OAS2: variants seen among roughly 807,000 people sequenced by gnomAD.
OAS2 encodes 2'-5'-oligoadenylate synthetase 2.
Under a neutral mutation model 71.3 loss-of-function variants are expected in OAS2, and 67 were observed. The observed-to-expected ratio is 0.94, with a 90% confidence interval of 0.77 to 1.15. The LOEUF (loss-of-function observed/expected upper bound fraction) is 1.15. OAS2 is among the 50% of genes most tolerant of loss of function. The pLI is 0.00. For synonymous variants in OAS2, 327 were observed against 321.8 expected (o/e 1.02, Z -0.17); for missense variants, 789 against 822.5 (o/e 0.96, Z 0.50).
At position 112,978,650 on chromosome 12, in the gene OAS2, G is replaced by A. The variant is rs1301722159; in HGVS notation, c.42G>A (p.Gln14=). The part of the protein sequence containing the change: ...GESQLSSVPA[Q]KLGWFIQEYL... Reference sequence around the variant, plus strand: ...CCCAGCTGTCCTCGGTGCCTGCTCAGAAGCTGGGTTGGTTTATCCAGGAAT... The same window carrying A: ...CCCAGCTGTCCTCGGTGCCTGCTCAAAAGCTGGGTTGGTTTATCCAGGAAT... Residue 14 remains glutamine, a synonymous_variant, in exon 1 of 10, where the codon CAG becomes CAA. Transcript: ENST00000392583. The surrounding 1 kb of genome is among the most constrained non-coding windows in gnomAD (Gnocchi z 4.2). 6.2e-7 allele frequency: 1 copy of A among 1,614,180 alleles called. No individual in the cohort carries two copies.
At chr12:113,005,941 A>AAAAC (rs2044330879) in intron 7 of OAS2, among the ~76,000 whole-genome samples, 5 of 148,902 alleles carry the variant, frequency 3.4e-5, no homozygotes, top group African/African-American at 1.2e-4. Context: ...AAAAAAAAAA[A>AAAAC]AAAAAAAAAA....
Position 113,008,968 on chromosome 12 carries a change from G to T in OAS2, c.1896-119G>T. On this transcript the variant is annotated intron_variant, in intron 9 of 9. Coordinates refer to ENST00000392583, the MANE Select transcript of OAS2 (RefSeq NM_002535.3). ...TGAACCCTACTAGTAAATTTGAGTT[G>T]CTGACATCTAAGCTGTAAGAACACA... The T allele has an allele frequency of 2.0e-6, 3 of 1,482,562 alleles. No homozygotes were observed. The Admixed American group carries it at 7.0e-5, about 35-fold the overall frequency. The allele number at this position is 1,482,562 out of a possible 1,614,324, so 91.8% of individuals were successfully genotyped here.
intron 2 of OAS2, among the ~76,000 whole-genome samples, chr12:112,994,870 T>C (rs2044220957): frequency 6.6e-6 from 1 of 152,188 alleles, no homozygotes. Context: ...TGAAGTAAAA[T>C]ATTCACAGGA....
intron 1 of OAS2, among the ~76,000 whole-genome samples, chr12:112,980,474 A>G (rs61942234): frequency 1.8e-4 from 27 of 152,230 alleles, no homozygotes; most frequent in Non-Finnish European, 3.4e-4. Flanking sequence ...TTTAACTTCC[A>G]CATAAACACA....
chr12:112,992,891 C>T (rs2044203779), intron 2 of OAS2, among the ~76,000 whole-genome samples: 1 of 152,156 alleles, frequency 6.6e-6, no homozygotes, highest in Non-Finnish European at 1.5e-5. Flanking sequence ...AAAGTCCTCT[C>T]TTCCTGTTCC....
At chr12:112,996,245 T>A (rs1221521487) in intron 3 of OAS2, among the ~76,000 whole-genome samples, 1 of 152,232 alleles carries the variant, frequency 6.6e-6, no homozygotes, top group Non-Finnish European at 1.5e-5. Context: ...GGGGCAATTA[T>A]GAATTAGGTT....
At chr12:112,988,124 C>T in intron 2 of OAS2, 3 of 985,400 alleles carry the variant, frequency 3.0e-6, no homozygotes, top group Non-Finnish European at 3.6e-6. Context: ...AAACATCTCC[C>T]ACTAAGCCTA....
rs1005261600 is a variant in OAS2, at chr12:113,009,371, T to C, written c.*116T>C. The C allele has an allele frequency of 5.3e-5, 81 of 1,520,650 alleles. No homozygotes were observed. The highest frequency in any genetic ancestry group is 1.8e-4 in the Middle Eastern group (1 of 5,458). 94.2% of individuals were successfully genotyped at this position (1,520,650 alleles called of 1,614,324 possible). A position where few individuals can be genotyped will look rare whatever the true frequency, so the allele number is the denominator to read the frequency against. ...AAAGGAAACCCAGCTCACAGGAGCT[T>C]AAACAGCTGGTCAGCCCCCTAAGCC... On this transcript the variant is annotated 3_prime_UTR_variant, in exon 10 of 10. Coordinates refer to ENST00000392583, the MANE Select transcript of OAS2 (RefSeq NM_002535.3).
intron 2 of OAS2, among the ~76,000 whole-genome samples, chr12:112,991,328 C>T (rs1464969351): frequency 6.6e-6 from 1 of 152,204 alleles, no homozygotes. Flanking sequence ...ACTTTGCAAA[C>T]CCCAACTATC....
In OAS2 at chr12:113,011,124, T is replaced by C. The variant is rs1041998322; in HGVS notation, c.*1869T>C. 1.3e-5 allele frequency: 2 copies of C among 152,296 alleles called. No individual in the cohort carries two copies. Among genetic ancestry groups the C allele is most frequent in the Non-Finnish European group, 2.9e-5 (2 of 68,110 alleles). The allele number at this position is 152,296 out of a possible 1,614,324, so 9.4% of individuals were successfully genotyped here. ...CTTGGGCTTTAGCCTTAAAGATACT[T>C]GAAGGTCTAGGTGCTTTAACCTCAC... On this transcript the variant is annotated 3_prime_UTR_variant, in exon 10 of 10. Transcript: ENST00000392583.
Position 113,005,131 on chromosome 12 carries a change from G to A in OAS2, c.1377G>A (p.Trp459Ter). Residue 459 changes from tryptophan to a stop codon, truncating the protein, a stop_gained, in exon 7 of 10, where the codon TGG (tryptophan) becomes TGA (stop). Transcript: ENST00000392583. LOFTEE classifies it high-confidence loss of function. ...AAGTCAGCTTTGAGCCTCCCAAGTG[G>A]AAGGCTCCCAGGGTGCTGAGCTTCT... ...ELEVSFEPPK[W>*]KAPRVLSFSL... 1 of 1,614,156 alleles carries A rather than the reference G, an allele frequency of 6.2e-7. No individual in the cohort carries two copies. The highest frequency in any genetic ancestry group is 1.1e-5 in the South Asian group (1 of 91,076).
In OAS2 at chr12:112,995,348, G is replaced by C; in HGVS notation, c.501G>C (p.Leu167Phe). Residue 167 changes from leucine (L) to phenylalanine (F), a missense_variant, in exon 3 of 10, where the codon TTG becomes TTC. Physicochemically the swap from Leu to Phe is conservative, Grantham distance 22. Coordinates refer to ENST00000392583, the MANE Select transcript of OAS2 (RefSeq NM_002535.3). ...PWIYRELKRSLDKTNASPGEF... is the reference protein window; with the variant it reads ...PWIYRELKRSFDKTNASPGEF... ...TCTATCGAGAGCTCAAAAGATCCTT[G>C]GATAAGACAAATGCCAGTCCTGGTG... is the stretch of plus-strand genomic sequence containing the variant. The C allele has an allele frequency of 6.2e-7, 1 of 1,613,990 alleles. No individual in the cohort carries two copies. The highest frequency in any genetic ancestry group is 8.5e-7 in the Non-Finnish European group (1 of 1,179,982).
chr12:113,007,620 C>A, intron 8 of OAS2, 85 bp from the exon 9 acceptor site: 1 of 1,074,818 alleles, frequency 9.3e-7, no homozygotes, highest in Admixed American at 1.8e-5. Context: ...GACACTGTGA[C>A]TCAGTTGCCT....
chr12:113,001,327 A>G (rs1400017000), intron 5 of OAS2, among the ~76,000 whole-genome samples: 1 of 151,750 alleles, frequency 6.6e-6, no homozygotes. Context: ...CCCTGTCTCA[A>G]AATTACTTTT....
At chr12:112,988,724 T>A (rs924181011) in intron 2 of OAS2, 16 of 985,350 alleles carry the variant, frequency 1.6e-5, no homozygotes, top group Non-Finnish European at 1.9e-5. Context: ...TAACAAAGAA[T>A]GGCGCATTCC....
In OAS2 at chr12:113,005,121, C is replaced by T. The variant is rs1217883615; in HGVS notation, c.1367C>T (p.Pro456Leu). Residue 456 changes from proline (P) to leucine (L), a missense_variant, in exon 7 of 10, where the codon CCT becomes CTT. Pro to Leu is a moderately conservative substitution (Grantham distance 98). Transcript: ENST00000392583. ...GAGGAGCTTGAAGTCAGCTTTGAGC[C>T]TCCCAAGTGGAAGGCTCCCAGGGTG... ...KEEELEVSFE[P>L]PKWKAPRVLS... 1.9e-6 allele frequency: 3 copies of T among 1,614,154 alleles called. No individual in the cohort carries two copies. Among genetic ancestry groups the T allele is most frequent in the Admixed American group, 3.3e-5 (2 of 60,020 alleles).
chr12:112,994,961 A>G (rs981631763), intron 2 of OAS2, among the ~76,000 whole-genome samples: 1 of 152,222 alleles, frequency 6.6e-6, no homozygotes, highest in Non-Finnish European at 1.5e-5. Flanking sequence ...GCCAACACAA[A>G]CAATTTTTTA....
At chr12:113,000,683 CTCATGCACACACAT>C (rs1249140057) in intron 5 of OAS2, among the ~76,000 whole-genome samples, 1 of 145,758 alleles carries the variant, frequency 6.9e-6, no homozygotes, top group Non-Finnish European at 1.5e-5. Context: ...CACACATGCA[CTCATGCACACACAT>C]GCATGCACAC....
intron 2 of OAS2, chr12:112,987,740 A>T: frequency 9.9e-7 from 1 of 1,009,470 alleles, no homozygotes; most frequent in Non-Finnish European, 1.2e-6. Flanking sequence ...AGGATGAGGC[A>T]GACATCTGGG....
Sources: allele counts gnomAD v4.1 joint callset (sites outside exome capture counted in the v4.1 genomes callset), GRCh38; gene constraint gnomAD v4.1.1; non-coding constraint Gnocchi (gnomAD v3.1); transcripts MANE v1.5; gene names NCBI Gene and HGNC (gene_info 2026-07-23, HGNC 2026-07-21).